Variants in SMCO2 observed in about 807,000 individuals in gnomAD.
The protein encoded by SMCO2 is single-pass membrane and coiled-coil domain-containing protein 2.
SMCO2 carries 25 observed loss-of-function variants against 29.5 expected under a neutral mutation model. The ratio of observed to expected loss-of-function variants is 0.85; its 90% CI spans 0.62 to 1.18. The LOEUF is 1.18. Ranked by LOEUF, SMCO2 falls within the 50% of genes most tolerant of loss-of-function variation. The probability of loss-of-function intolerance (pLI) is 0.00; values close to 1 mark genes in which losing one functional copy is unlikely to be tolerated. For synonymous variants in SMCO2, 117 were observed against 123.3 expected, an observed-to-expected ratio of 0.95 and a Z score of 0.34; for missense variants, 348 against 344.5, an observed-to-expected ratio of 1.01 and a Z score of -0.08.
At chr12:27,480,117 T>C (rs765281346) in intron 4 of SMCO2, among the ~76,000 whole-genome samples, 2 of 152,178 alleles carry the variant, frequency 1.3e-5, no homozygotes, top group Non-Finnish European at 2.9e-5. Flanking sequence ...ACCTGGAGGC[T>C]GATATCCAAG....
intron 2 of SMCO2, among the ~76,000 whole-genome samples, chr12:27,471,361 C>T (rs1419076093): frequency 6.6e-6 from 1 of 152,094 alleles, no homozygotes; most frequent in Non-Finnish European, 1.5e-5. Context: ...AATATTTATT[C>T]ATTCTATCTA....
At chr12:27,426,229 A>C in the SMCO2 span, among the ~76,000 whole-genome samples, 12 of 152,224 alleles carry the variant, frequency 7.9e-5, no homozygotes, top group African/African-American at 2.9e-4. Context: ...TTGAGGACCA[A>C]TTGCATATGG....
At chr12:27,437,747 C>G in the SMCO2 span, among the ~76,000 whole-genome samples, 1 of 152,182 alleles carries the variant, frequency 6.6e-6, no homozygotes, top group Non-Finnish European at 1.5e-5. Flanking sequence ...CACCTGCATG[C>G]GCAGCTCCAG....
chr12:27,458,516 T>C, the SMCO2 span, among the ~76,000 whole-genome samples: 1 of 152,184 alleles, frequency 6.6e-6, no homozygotes, highest in Non-Finnish European at 1.5e-5. Context: ...AAATTTAATA[T>C]TATCTACACT....
chr12:27,479,443 A>C (rs1256818431), intron 4 of SMCO2, among the ~76,000 whole-genome samples: 1 of 152,208 alleles, frequency 6.6e-6, no homozygotes, highest in Admixed American at 6.5e-5. Context: ...TGGAGGCTCC[A>C]GGGTTGCTGT....
At chr12:27,474,083 C>T (rs1431585562) in intron 3 of SMCO2, among the ~76,000 whole-genome samples, 1 of 152,150 alleles carries the variant, frequency 6.6e-6, no homozygotes, top group African/African-American at 2.4e-5. Context: ...AACCATATTC[C>T]TACACCTGTA....
the SMCO2 span, among the ~76,000 whole-genome samples, chr12:27,429,478 CAAA>C: frequency 2.7e-5 from 4 of 147,226 alleles, no homozygotes; most frequent in Non-Finnish European, 3.0e-5. Context: ...CATAAAATTA[CAAA>C]AAAAAAAAAA....
At chr12:27,423,759 CTG>C in the SMCO2 span, 1 of 152,180 alleles carries the variant, frequency 6.6e-6, no homozygotes, top group African/African-American at 2.4e-5. Context: ...CATTTAAACT[CTG>C]TGCCTCAGCG....
At chr12:27,472,667 T>A in intron 2 of SMCO2, 109 bp from the exon 3 acceptor site, 2 of 713,554 alleles carry the variant, frequency 2.8e-6, no homozygotes, top group Non-Finnish European at 4.6e-6. Context: ...AGATGCTCCC[T>A]GGGACTGGGG....
At chr12:27,457,345 T>C in the SMCO2 span, among the ~76,000 whole-genome samples, 5 of 152,224 alleles carry the variant, frequency 3.3e-5, no homozygotes, top group Admixed American at 6.5e-5. Context: ...TCATTTCTCA[T>C]TGGGGCCCCC....
the SMCO2 span, among the ~76,000 whole-genome samples, chr12:27,427,912 T>C: frequency 2.0e-5 from 3 of 152,204 alleles, no homozygotes; most frequent in African/African-American, 7.2e-5. Flanking sequence ...TTAAAGATAC[T>C]TCGGCAGGCA....
intron 4 of SMCO2, among the ~76,000 whole-genome samples, chr12:27,485,995 G>A (rs903981236): frequency 2.6e-5 from 4 of 152,088 alleles, no homozygotes; most frequent in Admixed American, 6.5e-5. Flanking sequence ...GGACTAATAC[G>A]GCTCCACTAT....
chr12:27,430,711 C>T, the SMCO2 span, among the ~76,000 whole-genome samples: 1 of 152,160 alleles, frequency 6.6e-6, no homozygotes, highest in African/African-American at 2.4e-5. Flanking sequence ...GTGGCTGGCA[C>T]AGTTCCTAAG....
At chr12:27,482,257 C>G (rs1949650245) in intron 4 of SMCO2, among the ~76,000 whole-genome samples, 1 of 152,160 alleles carries the variant, frequency 6.6e-6, no homozygotes, top group Non-Finnish European at 1.5e-5. Context: ...TTGATCTCTC[C>G]TTTGACCCAT....
chr12:27,436,481 T>C, the SMCO2 span, among the ~76,000 whole-genome samples: 2 of 151,792 alleles, frequency 1.3e-5, no homozygotes, highest in African/African-American at 4.8e-5. Flanking sequence ...CTGACCATGG[T>C]GGGGGCATTC....
At chr12:27,485,042 C>G (rs1257734814) in intron 4 of SMCO2, among the ~76,000 whole-genome samples, 2 of 150,970 alleles carry the variant, frequency 1.3e-5, no homozygotes, top group Non-Finnish European at 3.0e-5. Flanking sequence ...TTTTTCTGTT[C>G]CCTCATCTCA....
the SMCO2 span, among the ~76,000 whole-genome samples, chr12:27,443,931 C>A: frequency 7.2e-5 from 11 of 152,148 alleles, no homozygotes; most frequent in Admixed American, 7.2e-4. Context: ...CAATCCCTAT[C>A]AAAATACCAG....
the SMCO2 span, chr12:27,424,443 G>T: frequency 1.3e-5 from 2 of 152,196 alleles, no homozygotes; most frequent in African/African-American, 4.8e-5. Context: ...GAAATCTATT[G>T]TGAAACAAAG....
At chr12:27,458,589 T>C in the SMCO2 span, among the ~76,000 whole-genome samples, 17 of 152,166 alleles carry the variant, frequency 1.1e-4, no homozygotes, top group Non-Finnish European at 1.5e-5. Flanking sequence ...TTTATTCTTC[T>C]ATATAAAAAT....
Sources: allele counts gnomAD v4.1 joint callset (sites outside exome capture counted in the v4.1 genomes callset), GRCh38; gene constraint gnomAD v4.1.1; transcripts MANE v1.5; gene names NCBI Gene and HGNC (gene_info 2026-07-23, HGNC 2026-07-21).